The following HDAC4 variants were observed in gnomAD, a reference collection of about 807,000 sequenced individuals.
HDAC4 encodes histone deacetylase 4.
HDAC4 carries 16 observed loss-of-function variants against 135.1 expected under a neutral mutation model. The ratio of observed to expected loss-of-function variants is 0.12; its 90% confidence interval spans 0.08 to 0.18. The LOEUF (loss-of-function observed/expected upper bound fraction) is 0.18, where lower values mean the gene tolerates loss of function less well. Ranked by LOEUF, HDAC4 falls within the 10% of genes least tolerant of loss-of-function variation. HDAC4 has a pLI of 1.00. For synonymous variants in HDAC4, 685 were observed against 653.4 expected (o/e 1.05, Z -0.74); for missense variants, 1,143 against 1,511.8 (o/e 0.76, Z 4.05).
chr2:239,119,622 A>C (rs1381766526), intron 12 of HDAC4, among the ~76,000 whole-genome samples: 1 of 149,994 alleles, frequency 6.7e-6, no homozygotes, highest in Admixed American at 6.6e-5. Flanking sequence ...ATGGGAGCTC[A>C]GAGCTCAGGG....
rs2041399265 is a variant in HDAC4, at chr2:239,141,877, G to A, written c.866-2081C>T. On this transcript the variant is annotated intron_variant, in intron 8 of 26. Coordinates refer to ENST00000543185, the MANE Select transcript of HDAC4 (RefSeq NM_001378414.1). The surrounding 1 kb of genome is among the most constrained non-coding windows in gnomAD (Gnocchi z 4.9). ...TTTTGCATTCTACTTCCAGGAATAG[G>A]TCTAAGAAAATTCATATAAATGCAT... Among the ~76,000 whole-genome samples the A allele has an allele frequency of 6.6e-6, 1 of 152,146 alleles. No individual in the cohort carries two copies. Among genetic ancestry groups the A allele is most frequent in the African/African-American group, 2.4e-5 (1 of 41,436 alleles).
chr2:239,234,695 A>G (rs2047780832), intron 3 of HDAC4, among the ~76,000 whole-genome samples: 1 of 152,234 alleles, frequency 6.6e-6, no homozygotes, highest in African/African-American at 2.4e-5. Flanking sequence ...GCAAACAGGC[A>G]GCAGAGGCGG....
intron 7 of HDAC4, among the ~76,000 whole-genome samples, chr2:239,147,710 C>T (rs560124555): frequency 6.6e-6 from 1 of 152,264 alleles, no homozygotes; most frequent in Admixed American, 6.5e-5. Flanking sequence ...AGGAAGGATG[C>T]CAACTGTACT....
intron 3 of HDAC4, among the ~76,000 whole-genome samples, chr2:239,231,540 G>A (rs776414247): frequency 2.6e-4 from 39 of 152,248 alleles, no homozygotes; most frequent in Non-Finnish European, 5.0e-4. Flanking sequence ...TCAGCATGCC[G>A]TCTGTTTAAC....
At chr2:239,108,322 T>C (rs1559442726) in intron 14 of HDAC4, 139 bp from the exon 15 acceptor site, 1 of 1,123,784 alleles carries the variant, frequency 8.9e-7, no homozygotes, top group East Asian at 2.6e-5. Context: ...TTTAGAAAAA[T>C]ACCACGTTTG....
At chr2:239,084,787 C>A (rs993817451) in intron 19 of HDAC4, among the ~76,000 whole-genome samples, 1 of 148,146 alleles carries the variant, frequency 6.8e-6, no homozygotes, top group Non-Finnish European at 1.5e-5. Context: ...CACACAGACA[C>A]ACACCCCACA....
At chr2:239,254,703 G>C (rs1553579377) in intron 2 of HDAC4, among the ~76,000 whole-genome samples, 1 of 152,084 alleles carries the variant, frequency 6.6e-6, no homozygotes, top group Non-Finnish European at 1.5e-5. Context: ...CTAAAGAATG[G>C]AAAAAATGTA....
chr2:239,062,500 G>A lies in HDAC4; in HGVS notation c.3003+4222C>T, dbSNP rs3791360. Among the ~76,000 whole-genome samples the A allele has an allele frequency of 3.3e-5, 5 of 152,350 alleles. No individual in the cohort carries two copies. In the East Asian group the frequency reaches 5.8e-4, roughly 18 times the overall value. On this transcript the variant is annotated intron_variant, in intron 24 of 26. Coordinates refer to ENST00000543185, the MANE Select transcript of HDAC4 (RefSeq NM_001378414.1). ...AAACTAGTGCTTCCTCCTTTTTGAC[G>A]TGTTTAAGTAAAAGAACATTTTCTT...
intron 15 of HDAC4, among the ~76,000 whole-genome samples, chr2:239,105,047 G>A (rs1338237785): frequency 3.9e-5 from 6 of 152,246 alleles, no homozygotes; most frequent in Admixed American, 1.3e-4. Context: ...ATATTGTGAC[G>A]GCTCAGACTG....
intron 3 of HDAC4, chr2:239,191,202 AG>A (rs1468008947): frequency 5.8e-6 from 2 of 342,438 alleles, no homozygotes; most frequent in Non-Finnish European, 1.2e-5. Flanking sequence ...TCAAGCTCAG[AG>A]GGGTGTCTGG....
chr2:239,094,469 G>A, intron 17 of HDAC4: 1 of 997,016 alleles, frequency 1.0e-6, no homozygotes, highest in Non-Finnish European at 1.2e-6. Flanking sequence ...CATATCATCA[G>A]TTCGTAGAAG....
rs536643058 is a variant in HDAC4 at position 239,053,071 on chromosome 2, A to C, written c.*26T>G. 1 of 1,613,906 alleles carries C rather than the reference A, an allele frequency of 6.2e-7. No individual in the cohort carries two copies. Among genetic ancestry groups the C allele is most frequent in the South Asian group, 1.1e-5 (1 of 91,076 alleles). On this transcript the variant is annotated 3_prime_UTR_variant, in exon 27 of 27. Transcript: ENST00000543185. Reference sequence around the variant, plus strand: ...AGCTTCAAGACAGAGACAGACAGACAAGAGAACAGCAGCTTCGAGGGAGTG... The same window carrying C: ...AGCTTCAAGACAGAGACAGACAGACCAGAGAACAGCAGCTTCGAGGGAGTG...
chr2:239,122,586 C>A (rs1013211332), intron 12 of HDAC4, among the ~76,000 whole-genome samples: 2 of 152,208 alleles, frequency 1.3e-5, no homozygotes, highest in Non-Finnish European at 2.9e-5. Context: ...CTGCCACCAT[C>A]CCGACCACAG....
chr2:239,218,673 G>A (rs1254953190), intron 3 of HDAC4, among the ~76,000 whole-genome samples: 3 of 147,152 alleles, frequency 2.0e-5, no homozygotes, highest in Non-Finnish European at 3.0e-5. Context: ...CCATCAGAGT[G>A]AACAGGCAAC....
intron 3 of HDAC4, among the ~76,000 whole-genome samples, chr2:239,226,835 G>C (rs1476949473): frequency 6.6e-6 from 1 of 152,224 alleles, no homozygotes; most frequent in Non-Finnish European, 1.5e-5. Context: ...GGGCCGCGTG[G>C]GGAGGCACGG....
chr2:239,256,735 C>T (rs780589826), intron 2 of HDAC4, among the ~76,000 whole-genome samples: 16 of 152,348 alleles, frequency 1.1e-4, no homozygotes, highest in Non-Finnish European at 2.2e-4. Context: ...ATCAAGCTAC[C>T]TATGGGGAAA....
chr2:239,274,037 A>C (rs778312984), intron 2 of HDAC4, among the ~76,000 whole-genome samples: 4 of 152,228 alleles, frequency 2.6e-5, no homozygotes, highest in Non-Finnish European at 5.9e-5. Context: ...GCTTTGGAAC[A>C]ATACAGTGAG....
intron 2 of HDAC4, among the ~76,000 whole-genome samples, chr2:239,261,857 C>T (rs541899777): frequency 2.0e-5 from 3 of 152,308 alleles, no homozygotes; most frequent in East Asian, 1.9e-4. Flanking sequence ...ACCCCCCACC[C>T]GGCCCAGCCA....
intron 5 of HDAC4, among the ~76,000 whole-genome samples, chr2:239,166,332 G>T (rs2043120876): frequency 6.6e-6 from 1 of 152,188 alleles, no homozygotes; most frequent in Admixed American, 6.5e-5. Context: ...GGGCCACCGT[G>T]ATGCATGAGG....
Sources: allele counts gnomAD v4.1 joint callset (sites outside exome capture counted in the v4.1 genomes callset), GRCh38; gene constraint gnomAD v4.1.1; non-coding constraint Gnocchi (gnomAD v3.1); transcripts MANE v1.5; gene names NCBI Gene and HGNC (gene_info 2026-07-23, HGNC 2026-07-21).